The following STAU1 variants were observed in gnomAD, a reference collection of about 807,000 sequenced individuals.
STAU1 encodes staufen double-stranded RNA binding protein 1, also known as double-stranded RNA-binding protein Staufen homolog 1.
STAU1 carries 13 observed loss-of-function variants against 62.9 expected under a neutral mutation model. That is an observed-to-expected ratio of 0.21 (90% CI 0.13 to 0.33). The LOEUF is 0.33. Ranked by LOEUF, STAU1 falls within the 10% of genes least tolerant of loss-of-function variation. STAU1 has a pLI of 1.00. For missense variants in STAU1, 571 were observed against 712.1 expected (o/e 0.80, Z 2.25); for synonymous variants, 269 against 265.1 (o/e 1.01, Z -0.14).
At chr20:49,210,528 C>T in the STAU1 span, 315 of 455,928 alleles carry the variant, frequency 6.9e-4, 2 homozygotes, top group African/African-American at 5.4e-3. Context: ...AATTCTACAT[C>T]ACTAGGTTTT....
intron 6 of STAU1, among the ~76,000 whole-genome samples, chr20:49,133,947 G>C (rs547021401): frequency 6.6e-5 from 10 of 152,232 alleles, no homozygotes; most frequent in African/African-American, 1.9e-4. Context: ...TTAAGTTTAG[G>C]GTGCTAGCAC....
chr20:49,171,348 G>A (rs1276150585), intron 2 of STAU1, among the ~76,000 whole-genome samples: 3 of 152,196 alleles, frequency 2.0e-5, no homozygotes, highest in African/African-American at 7.2e-5. Context: ...AGGCTGGAGT[G>A]CAGTGGCACG....
At chr20:49,119,357 T>C (rs965571211) in intron 9 of STAU1, among the ~76,000 whole-genome samples, 2 of 152,134 alleles carry the variant, frequency 1.3e-5, no homozygotes, top group African/African-American at 2.4e-5. Context: ...TTTTAATTTT[T>C]TGTAGAGACA....
the STAU1 span, among the ~76,000 whole-genome samples, chr20:49,198,830 G>A: frequency 6.6e-6 from 1 of 152,148 alleles, no homozygotes; most frequent in Non-Finnish European, 1.5e-5. Context: ...GGGCATGGTG[G>A]CATGTGCCTA....
chr20:49,190,122 C>G (rs1230512215), upstream of STAU1, among the ~76,000 whole-genome samples: 3 of 151,896 alleles, frequency 2.0e-5, no homozygotes, highest in Admixed American at 6.6e-5. Flanking sequence ...GATCCCATAC[C>G]TCCTTGGGTA....
the STAU1 span, among the ~76,000 whole-genome samples, chr20:49,200,529 A>T: frequency 6.6e-6 from 1 of 151,412 alleles, no homozygotes; most frequent in African/African-American, 2.4e-5. Flanking sequence ...TGAACCTGGG[A>T]GGCGGAGCTT....
the STAU1 span, among the ~76,000 whole-genome samples, chr20:49,204,628 A>ATTTG: frequency 2.0e-5 from 1 of 51,086 alleles, no homozygotes; most frequent in Non-Finnish European, 3.1e-5. Context: ...ATATATGTGT[A>ATTTG]TATATATATA....
At chr20:49,123,023 G>C in intron 8 of STAU1, 69 bp downstream of exon 8, 1 of 1,489,156 alleles carries the variant, frequency 6.7e-7, no homozygotes, top group Middle Eastern at 2.6e-4. Context: ...TCCAGACCTT[G>C]AACCGCCATC....
chr20:49,144,579 A>G (rs1255384794), intron 5 of STAU1, among the ~76,000 whole-genome samples: 1 of 152,162 alleles, frequency 6.6e-6, no homozygotes, highest in East Asian at 1.9e-4. Context: ...AATCATCAGA[A>G]ATGTCTTCCT....
chr20:49,210,160 T>C, the STAU1 span, among the ~76,000 whole-genome samples: 5 of 152,186 alleles, frequency 3.3e-5, no homozygotes, highest in Non-Finnish European at 7.3e-5. Context: ...TGGGCAGCTG[T>C]GGCACTGTGT....
the STAU1 span, among the ~76,000 whole-genome samples, chr20:49,195,898 C>CAAAAAAAAAAAAAAAAAAAA: frequency 5.9e-5 from 2 of 33,864 alleles, no homozygotes; most frequent in African/African-American, 1.0e-4. Context: ...AACTTCCTCT[C>CAAAAAAAAAAAAAAAAAAAA]AAAAAAAAAA....
intron 5 of STAU1, among the ~76,000 whole-genome samples, chr20:49,137,402 GAT>G (rs1375242054): frequency 6.6e-6 from 1 of 152,076 alleles, no homozygotes; most frequent in African/African-American, 2.4e-5. Flanking sequence ...TGATAACATG[GAT>G]TTTATACTGT....
intron 1 of STAU1, among the ~76,000 whole-genome samples, chr20:49,181,945 C>T (rs532316330): frequency 6.6e-6 from 1 of 152,108 alleles, no homozygotes; most frequent in Non-Finnish European, 1.5e-5. Context: ...GCCAGTTTTG[C>T]TTCCATTACT....
intron 5 of STAU1, among the ~76,000 whole-genome samples, chr20:49,137,866 G>A (rs1231160003): frequency 1.5e-5 from 2 of 131,142 alleles, no homozygotes; most frequent in Admixed American, 8.5e-5. Context: ...CTTTAGCACA[G>A]ATGGGGTTTC....
intron 2 of STAU1, among the ~76,000 whole-genome samples, chr20:49,173,123 C>T (rs889972659): frequency 1.3e-5 from 2 of 149,676 alleles, no homozygotes; most frequent in African/African-American, 4.9e-5. Flanking sequence ...GGATTACAGG[C>T]GTGAGCCACT....
In STAU1 at chr20:49,177,830, C is replaced by T. The variant is rs542591164; in HGVS notation, c.-159-3561G>A. On this transcript the variant is annotated intron_variant, in intron 1 of 13. Transcript: ENST00000371856. Reference sequence around the variant, plus strand: ...AAGAGAGAGAGAGAGGGGAGAAATACAGCAGTCATTTGGATCTCAAATACT... The same window carrying T: ...AAGAGAGAGAGAGAGGGGAGAAATATAGCAGTCATTTGGATCTCAAATACT... 3.9e-5 allele frequency among the ~76,000 whole-genome samples: 6 copies of T among 152,266 alleles called. No individual in the cohort carries two copies. In the South Asian group the frequency reaches 1.2e-3, roughly 32 times the overall value.
intron 3 of STAU1, among the ~76,000 whole-genome samples, chr20:49,156,670 T>G (rs561551035): frequency 6.6e-6 from 1 of 152,278 alleles, no homozygotes; most frequent in East Asian, 1.9e-4. Context: ...TACTGTAAAT[T>G]CCTAGAAATG....
At chr20:49,121,919 A>T (rs1381287380) in intron 8 of STAU1, among the ~76,000 whole-genome samples, 1 of 152,180 alleles carries the variant, frequency 6.6e-6, no homozygotes, top group African/African-American at 2.4e-5. Context: ...AGACTCAGAG[A>T]GTCAAAGAAA....
chr20:49,197,643 C>T, the STAU1 span, among the ~76,000 whole-genome samples: 1 of 152,016 alleles, frequency 6.6e-6, no homozygotes, highest in Non-Finnish European at 1.5e-5. Flanking sequence ...CTCACGTGAT[C>T]CAACCTCCTC....
Sources: gnomAD v4.1 joint callset for allele counts (sites outside exome capture counted in the v4.1 genomes callset) on GRCh38, gnomAD v4.1.1 for gene constraint, MANE v1.5 for transcripts, NCBI Gene and HGNC (gene_info 2026-07-23, HGNC 2026-07-21) for gene names.